PACS2: variants seen among roughly 807,000 people sequenced by gnomAD.
The protein encoded by PACS2 is phosphofurin acidic cluster sorting protein 2.
Under a neutral mutation model 113.0 loss-of-function variants are expected in PACS2, and 36 were observed. That is an observed-to-expected ratio of 0.32 (90% CI 0.24 to 0.42). The LOEUF is 0.42. Among genes scored for constraint, PACS2 ranks in the 10% least tolerant of loss-of-function variants. The pLI is 1.00. For missense variants in PACS2, 1,015 were observed against 1,239.5 expected, an observed-to-expected ratio of 0.82 and a Z score of 2.72; for synonymous variants, 589 against 536.1, an observed-to-expected ratio of 1.10 and a Z score of -1.36.
rs2059240674 is a variant in PACS2 at position 105,329,910 on chromosome 14, G to T, written c.119+14873G>T. 6.6e-6 allele frequency among the ~76,000 whole-genome samples: 1 copy of T among 152,222 alleles called. No homozygotes were observed. Among genetic ancestry groups the T allele is most frequent in the Non-Finnish European group, 1.5e-5 (1 of 68,032 alleles). The stretch of plus-strand genomic sequence containing the variant: ...CAGCCCAGGAGCCAAGCACAGCCAG[G>T]AGATGAAACCCATCCCTGTGGTCTG... On this transcript the variant is annotated intron_variant, in intron 1 of 24. Coordinates refer to ENST00000447393, the MANE Select transcript of PACS2 (RefSeq NM_001100913.3). The surrounding 1 kb of genome is among the most constrained non-coding windows in gnomAD (Gnocchi z 6.4).
Position 105,394,923 on chromosome 14 carries a change from C to CGCG in PACS2, c.*253_*255dup. The CGCG allele has an allele frequency of 2.2e-6, 1 of 450,630 alleles. No individual in the cohort carries two copies. The highest frequency in any genetic ancestry group is 3.5e-5 in the Admixed American group (1 of 28,280). The allele number at this position is 450,630 out of a possible 1,614,324, so 27.9% of individuals were successfully genotyped here. A position where few individuals can be genotyped will look rare whatever the true frequency, so the allele number is the denominator to read the frequency against. ...AGAAGGACGATGCTGAGCCATGGATCGCGGAAGGCGTCCTCTGGCCTCAGG... is the reference window on the plus strand; with the variant it reads ...AGAAGGACGATGCTGAGCCATGGATCGCGGCGGAAGGCGTCCTCTGGCCTCAGG... On this transcript the variant is annotated 3_prime_UTR_variant, in exon 25 of 25. Coordinates refer to ENST00000447393, the MANE Select transcript of PACS2 (RefSeq NM_001100913.3).
intron 16 of PACS2, chr14:105,383,795 T>C (rs927105893): frequency 1.6e-5 from 7 of 430,778 alleles, no homozygotes; most frequent in African/African-American, 4.1e-5. Context: ...CATCGCCCTC[T>C]GAAGGGGCCT....
rs765234538 is a variant in PACS2 at position 105,317,185 on chromosome 14, G to A, written c.119+2148G>A. On this transcript the variant is annotated intron_variant, in intron 1 of 24. Coordinates refer to ENST00000447393, the MANE Select transcript of PACS2 (RefSeq NM_001100913.3). The surrounding 1 kb of genome is among the most constrained non-coding windows in gnomAD (Gnocchi z 4.2). Reference sequence around the variant, plus strand: ...TGCCTTTCGGCGTGTTCACTGCTGCGTACTATTCACTGGCGTGACAGTACC... The same window carrying A: ...TGCCTTTCGGCGTGTTCACTGCTGCATACTATTCACTGGCGTGACAGTACC... Among the ~76,000 whole-genome samples the A allele has an allele frequency of 1.3e-5, 2 of 152,242 alleles. No individual in the cohort carries two copies. The highest frequency in any genetic ancestry group is 2.4e-5 in the African/African-American group (1 of 41,460).
In PACS2 at chr14:105,358,751, C is replaced by T. The variant is rs587732954; in HGVS notation, c.423+3574C>T. On this transcript the variant is annotated intron_variant, in intron 4 of 24. Coordinates refer to ENST00000447393, the MANE Select transcript of PACS2 (RefSeq NM_001100913.3). This position sits in a 1 kb window ranked among gnomAD's most constrained non-coding sequence, Gnocchi z 4.9. ...CTGCACATGCCACTGGGGCCAGGTC[C>T]AGCCCAAGGGGACCTGTGAGGGGCG... Among the ~76,000 whole-genome samples the T allele has an allele frequency of 6.6e-6, 1 of 152,308 alleles. No individual in the cohort carries two copies. Among genetic ancestry groups the T allele is most frequent in the Non-Finnish European group, 1.5e-5 (1 of 68,020 alleles).
rs199794395 is a variant in PACS2, at chr14:105,383,524, C to T, written c.1780+11C>T. ...TGGTCATCCCACTGGGTGAGCACCA[C>T]GCCGTCCACCTGGGCCTGGGCACAG... is the stretch of plus-strand genomic sequence containing the variant. On this transcript the variant is annotated intron_variant, in intron 16 of 24. Transcript: ENST00000447393. The T allele has an allele frequency of 9.0e-4, 1,423 of 1,573,702 alleles. 2 individuals carry two copies. Among genetic ancestry groups the T allele is most frequent in the Non-Finnish European group, 1.2e-3 (1,336 of 1,159,508 alleles).
intron 4 of PACS2, among the ~76,000 whole-genome samples, chr14:105,364,340 G>A (rs587701088): frequency 2.7e-4 from 39 of 146,480 alleles, no homozygotes; most frequent in African/African-American, 9.1e-4. Context: ...CGGCCCGGGG[G>A]TGTGGTGGGC....
At chr14:105,391,326 G>T in intron 21 of PACS2, 77 bp downstream of exon 21, 1 of 1,120,526 alleles carries the variant, frequency 8.9e-7, no homozygotes, top group South Asian at 1.2e-5. Flanking sequence ...GAGTCCTGCA[G>T]ACCAGATCAA....
chr14:105,335,862 G>A (rs1247078711), intron 1 of PACS2, among the ~76,000 whole-genome samples: 1 of 152,242 alleles, frequency 6.6e-6, no homozygotes, highest in East Asian at 1.9e-4. Flanking sequence ...CGGGCTGGGT[G>A]GTAAGTGCTG....
At position 105,391,671 on chromosome 14, in the gene PACS2, C is replaced by T. The variant is rs2081362015; in HGVS notation, c.2160C>T (p.Leu720=). Reference sequence around the variant, plus strand: ...CGGCCCCCTCGGGCTCTGGCACGCTCTCCTCCACCCCGCCGTCCGCATCTC... The same window carrying T: ...CGGCCCCCTCGGGCTCTGGCACGCTTTCCTCCACCCCGCCGTCCGCATCTC... ...DDAAPSGSGT[L]SSTPPSASPA... Residue 720 remains leucine (L), a synonymous_variant, in exon 22 of 25, where the codon CTC becomes CTT. Coordinates refer to ENST00000447393, the MANE Select transcript of PACS2 (RefSeq NM_001100913.3). 5.6e-6 allele frequency: 9 copies of T among 1,610,286 alleles called. No homozygotes were observed. The highest frequency in any genetic ancestry group is 5.9e-6 in the Non-Finnish European group (7 of 1,179,160).
At chr14:105,335,949 G>A (rs991562145) in intron 1 of PACS2, among the ~76,000 whole-genome samples, 1 of 152,206 alleles carries the variant, frequency 6.6e-6, no homozygotes, top group African/African-American at 2.4e-5. Context: ...TACGAGGATG[G>A]CTGTGCAGGC....
chr14:105,384,180 G>T, intron 16 of PACS2, 173 bp from the exon 17 acceptor site: 5 of 584,122 alleles, frequency 8.6e-6, no homozygotes, highest in Non-Finnish European at 9.2e-6. Context: ...GGGGCCACAG[G>T]CATCCACCAG....
rs1555413216 is a variant in PACS2 at position 105,384,944 on chromosome 14, C to T, written c.1957C>T (p.Gln653Ter). 1 of 1,599,842 alleles carries T rather than the reference C, an allele frequency of 6.3e-7. No individual in the cohort carries two copies. The highest frequency in any genetic ancestry group is 1.3e-5 in the African/African-American group (1 of 74,862). Residue 653 changes from glutamine (Q) to a stop codon, truncating the protein, a stop_gained, in exon 18 of 25, where the codon CAG becomes TAG. Coordinates refer to ENST00000447393, the MANE Select transcript of PACS2 (RefSeq NM_001100913.3). LOFTEE classifies it high-confidence loss of function. ...QYIAGANCAH[Q>*]LPIAEAMLTY... ...CATCGCAGGGGCCAACTGTGCCCAC[C>T]AGCTCCCCATCGCAGAGGCCATGCT...
intron 19 of PACS2, among the ~76,000 whole-genome samples, chr14:105,388,109 C>T (rs1411528628): frequency 1.3e-5 from 2 of 152,244 alleles, no homozygotes; most frequent in Non-Finnish European, 2.9e-5. Context: ...AGTTTCAACT[C>T]TTCTCCTTAG....
intron 8 of PACS2, 105 bp downstream of exon 8, chr14:105,370,005 T>G: frequency 6.0e-6 from 6 of 998,170 alleles, no homozygotes; most frequent in South Asian, 1.5e-5. Context: ...GTTCTGCCGC[T>G]CACCGTCTGC....
Position 105,356,983 on chromosome 14 carries a change from T to G in PACS2, c.423+1806T>G, listed in dbSNP as rs932726468. Among the ~76,000 whole-genome samples, 5 of 148,722 alleles carry G rather than the reference T, an allele frequency of 3.4e-5. No homozygotes were observed. The highest frequency in any genetic ancestry group is 5.0e-5 in the African/African-American group (2 of 40,078). On this transcript the variant is annotated intron_variant, in intron 4 of 24. Coordinates refer to ENST00000447393, the MANE Select transcript of PACS2 (RefSeq NM_001100913.3). This position sits in a 1 kb window ranked among gnomAD's most constrained non-coding sequence, Gnocchi z 4.0. ...TGTTTCCCATTAGCCATGCAGGCGATGTCCTGCTGATCCCTGCTGGTCCCT... is the reference window on the plus strand; with the variant it reads ...TGTTTCCCATTAGCCATGCAGGCGAGGTCCTGCTGATCCCTGCTGGTCCCT...
intron 1 of PACS2, among the ~76,000 whole-genome samples, chr14:105,327,456 CAG>C (rs1382619582): frequency 3.9e-5 from 6 of 152,334 alleles, no homozygotes; most frequent in South Asian, 4.1e-4. Flanking sequence ...CAAGTGGTGA[CAG>C]GGGGCTGGGG....
chr14:105,364,257 A>G (rs587756985), intron 4 of PACS2, among the ~76,000 whole-genome samples: 1 of 151,558 alleles, frequency 6.6e-6, no homozygotes, highest in Non-Finnish European at 1.5e-5. Flanking sequence ...GAGCAGAGTG[A>G]GGGCTGCAGC....
intron 24 of PACS2, chr14:105,394,325 C>T (rs2081472900): frequency 3.0e-6 from 3 of 985,214 alleles, no homozygotes; most frequent in Admixed American, 6.1e-5. Flanking sequence ...CCCTCCCCAC[C>T]CCCCAGGGCT....
At chr14:105,349,086 A>C (rs2060052551) in intron 2 of PACS2, among the ~76,000 whole-genome samples, 1 of 152,212 alleles carries the variant, frequency 6.6e-6, no homozygotes, top group African/African-American at 2.4e-5. Context: ...CAGAGGGGTC[A>C]TGCTGGTGTC....
Sources: gnomAD v4.1 joint callset for allele counts (sites outside exome capture counted in the v4.1 genomes callset) on GRCh38, gnomAD v4.1.1 for gene constraint, Gnocchi (gnomAD v3.1) non-coding constraint, MANE v1.5 for transcripts, NCBI Gene and HGNC (gene_info 2026-07-23, HGNC 2026-07-21) for gene names.